The following POC1A variants were observed in gnomAD, a reference collection of about 807,000 sequenced individuals.
POC1A encodes POC1 centriolar protein homolog A.
POC1A carries 34 observed loss-of-function variants against 47.8 expected under a neutral mutation model. That is an observed-to-expected ratio of 0.71 (90% CI 0.54 to 0.95). The LOEUF (loss-of-function observed/expected upper bound fraction) is 0.95. POC1A is among the 40% of genes least tolerant of loss of function. The probability of loss-of-function intolerance (pLI) is 0.00; values close to 1 mark genes in which losing one functional copy is unlikely to be tolerated. For missense variants in POC1A, 466 were observed against 528.3 expected (o/e 0.88, Z 1.16); for synonymous variants, 177 against 207.6 (o/e 0.85, Z 1.27).
intron 10 of POC1A, among the ~76,000 whole-genome samples, chr3:52,094,292 C>A (rs1559815520): frequency 6.6e-6 from 1 of 152,204 alleles, no homozygotes; most frequent in Non-Finnish European, 1.5e-5. Flanking sequence ...GGAAGCCCAG[C>A]TGAACAAGCC....
At chr3:52,122,155 G>A (rs1020943108) in intron 9 of POC1A, among the ~76,000 whole-genome samples, 1 of 152,240 alleles carries the variant, frequency 6.6e-6, no homozygotes, top group African/African-American at 2.4e-5. Context: ...GGGGCACCCG[G>A]CAGCTTGCTG....
chr3:52,145,317 G>A (rs1698327285), intron 6 of POC1A, among the ~76,000 whole-genome samples: 1 of 152,130 alleles, frequency 6.6e-6, no homozygotes, highest in South Asian at 2.1e-4. Context: ...TACCATCCTG[G>A]GCCTGGCCCC....
intron 9 of POC1A, among the ~76,000 whole-genome samples, chr3:52,109,056 A>T (rs914710184): frequency 1.3e-5 from 2 of 152,148 alleles, no homozygotes; most frequent in African/African-American, 2.4e-5. Context: ...AGCCCAAGAC[A>T]GCTCCAGGCC....
rs1306865464 is a variant in POC1A at position 52,090,671 on chromosome 3, C to T, written c.1125+5898G>A. 6.6e-6 allele frequency among the ~76,000 whole-genome samples: 1 copy of T among 152,174 alleles called. No individual in the cohort carries two copies. Among genetic ancestry groups the T allele is most frequent in the African/African-American group, 2.4e-5 (1 of 41,428 alleles). On this transcript the variant is annotated intron_variant, in intron 10 of 10. Transcript: ENST00000296484. This position sits in a 1 kb window ranked among gnomAD's most constrained non-coding sequence, Gnocchi z 4.2. ...CCTGCTCACTGGAGAAGTTTTCCGGCATCTGTGAAAAAGACCCCTAGATCA... is the reference window on the plus strand; with the variant it reads ...CCTGCTCACTGGAGAAGTTTTCCGGTATCTGTGAAAAAGACCCCTAGATCA...
At chr3:52,116,532 C>T (rs149630471) in intron 9 of POC1A, among the ~76,000 whole-genome samples, 5 of 152,292 alleles carry the variant, frequency 3.3e-5, no homozygotes, top group African/African-American at 1.2e-4. Flanking sequence ...CATCTGGGAG[C>T]ACAGGGGACT....
At chr3:52,078,503 C>CTT (rs531817608) in intron 10 of POC1A, among the ~76,000 whole-genome samples, 122 of 113,412 alleles carry the variant, frequency 1.1e-3, no homozygotes, top group Non-Finnish European at 1.4e-3. Context: ...ATGGAAATCT[C>CTT]TTTTTTTTTT....
At chr3:52,105,846 G>A (rs528917925) in intron 9 of POC1A, among the ~76,000 whole-genome samples, 5 of 152,314 alleles carry the variant, frequency 3.3e-5, no homozygotes, top group East Asian at 1.9e-4. Flanking sequence ...AACATGCAGC[G>A]TGCCTTTTCA....
intron 6 of POC1A, among the ~76,000 whole-genome samples, chr3:52,141,935 G>A (rs1698207667): frequency 6.6e-6 from 1 of 152,222 alleles, no homozygotes; most frequent in Non-Finnish European, 1.5e-5. Flanking sequence ...GGGACTCTAT[G>A]AGTTCTAAGC....
At chr3:52,093,914 G>C (rs991437260) in intron 10 of POC1A, among the ~76,000 whole-genome samples, 26 of 152,196 alleles carry the variant, frequency 1.7e-4, no homozygotes, top group African/African-American at 5.8e-4. Flanking sequence ...CTCTGAAATA[G>C]GGTGTCCTAC....
chr3:52,080,195 C>T (rs1702237885), intron 10 of POC1A, among the ~76,000 whole-genome samples: 1 of 152,236 alleles, frequency 6.6e-6, no homozygotes, highest in Admixed American at 6.5e-5. Flanking sequence ...TTATCAGTGA[C>T]AAGCCTAGGC....
intron 9 of POC1A, among the ~76,000 whole-genome samples, chr3:52,113,917 A>C (rs1424982739): frequency 6.6e-6 from 1 of 152,212 alleles, no homozygotes; most frequent in Non-Finnish European, 1.5e-5. Flanking sequence ...CACCCAAAGC[A>C]AAGGCTGCTG....
intron 7 of POC1A, among the ~76,000 whole-genome samples, chr3:52,127,079 G>A (rs1394473810): frequency 6.6e-6 from 1 of 152,196 alleles, no homozygotes; most frequent in Non-Finnish European, 1.5e-5. Flanking sequence ...AGCTGCAAGG[G>A]CCCAGGAATG....
chr3:52,115,948 C>T (rs1333919457), intron 9 of POC1A, among the ~76,000 whole-genome samples: 1 of 152,120 alleles, frequency 6.6e-6, no homozygotes, highest in East Asian at 1.9e-4. Flanking sequence ...GATGATTACA[C>T]TAAAAGCCCA....
intron 9 of POC1A, among the ~76,000 whole-genome samples, chr3:52,108,700 C>T (rs922138485): frequency 6.6e-6 from 1 of 152,132 alleles, no homozygotes; most frequent in Non-Finnish European, 1.5e-5. Context: ...GCCCTCAGAA[C>T]CACCAGAGCA....
chr3:52,080,649 T>G (rs909641884), intron 10 of POC1A, among the ~76,000 whole-genome samples: 1 of 152,200 alleles, frequency 6.6e-6, no homozygotes, highest in African/African-American at 2.4e-5. Flanking sequence ...CGAAAGGACA[T>G]AGTGACAAGA....
chr3:52,148,417 T>G (rs1698439522), intron 4 of POC1A, among the ~76,000 whole-genome samples: 1 of 152,236 alleles, frequency 6.6e-6, no homozygotes, highest in South Asian at 2.1e-4. Flanking sequence ...TTCTGACTCA[T>G]GTGGTTTCCT....
rs951026579 is a variant in POC1A at position 52,151,022 on chromosome 3, G to A, written c.97C>T (p.Gln33Ter). The change falls in exon 2 of 11, where the codon CAG becomes TAG. Residue 33 changes from glutamine (Q) to a stop codon, truncating the protein, a stop_gained. Coordinates refer to ENST00000296484, the MANE Select transcript of POC1A (RefSeq NM_015426.5). LOFTEE classifies it high-confidence loss of function. ...ACAGGGTGCCTCTTCTTACCCAGCT[G>A]CTTTGTGTTGATACTGAAGTCCACA... Reference protein sequence around the residue: ...TCVDFSINTKQLASGSMDSCL... With the variant: ...TCVDFSINTK 6.2e-7 allele frequency: 1 copy of A among 1,613,570 alleles called. No homozygotes were observed. Among genetic ancestry groups the A allele is most frequent in the African/African-American group, 1.3e-5 (1 of 74,830 alleles).
At chr3:52,093,407 T>C (rs981375456) in intron 10 of POC1A, among the ~76,000 whole-genome samples, 3 of 152,168 alleles carry the variant, frequency 2.0e-5, no homozygotes, top group Non-Finnish European at 4.4e-5. Flanking sequence ...TCTAGCTTCA[T>C]GAGGCAGTGG....
intron 3 of POC1A, 35 bp downstream of exon 3, chr3:52,149,781 G>C (rs1429693834): frequency 6.3e-7 from 1 of 1,593,218 alleles, no homozygotes; most frequent in Non-Finnish European, 8.6e-7. Flanking sequence ...CAGGGCCCCA[G>C]ACTCCAACAA....
Sources: gnomAD v4.1 joint callset for allele counts (sites outside exome capture counted in the v4.1 genomes callset) on GRCh38, gnomAD v4.1.1 for gene constraint, Gnocchi (gnomAD v3.1) non-coding constraint, MANE v1.5 for transcripts, NCBI Gene and HGNC (gene_info 2026-07-23, HGNC 2026-07-21) for gene names.